The following SLC6A5 variants were observed in gnomAD, a reference collection of about 807,000 sequenced individuals.
The protein encoded by SLC6A5 is solute carrier family 6 member 5.
In SLC6A5, 58 loss-of-function variants were observed where a neutral mutation model predicts 90.5. The ratio of observed to expected loss-of-function variants is 0.64; its 90% CI spans 0.52 to 0.80. SLC6A5 has a LOEUF of 0.80. SLC6A5 is among the 30% of genes least tolerant of loss of function. SLC6A5 has a pLI of 0.00. For missense variants in SLC6A5, 1,015 were observed against 1,017.6 expected (o/e 1.00, Z 0.03); for synonymous variants, 427 against 401.4 (o/e 1.06, Z -0.76).
chr11:20,621,785 G>A (rs571540537), intron 7 of SLC6A5, among the ~76,000 whole-genome samples: 1 of 152,308 alleles, frequency 6.6e-6, no homozygotes, highest in African/African-American at 2.4e-5. Flanking sequence ...CTCTTGTTTA[G>A]GGCCTCAGGA....
At chr11:20,637,127 G>A (rs1383701363) in intron 11 of SLC6A5, 45 bp from the exon 12 acceptor site, 4 of 1,607,474 alleles carry the variant, frequency 2.5e-6, no homozygotes, top group Admixed American at 1.7e-5. Flanking sequence ...TACCTCCTGG[G>A]TGGTACAATT....
At chr11:20,599,762 T>A (rs1017206214) in intron 1 of SLC6A5, 87 bp downstream of exon 1, 4 of 1,485,884 alleles carry the variant, frequency 2.7e-6, no homozygotes, top group East Asian at 2.3e-5. Context: ...CTTTTGGAGA[T>A]GTCTGTGCAT....
intron 7 of SLC6A5, among the ~76,000 whole-genome samples, chr11:20,618,519 T>C (rs925328557): frequency 1.3e-5 from 2 of 152,094 alleles, no homozygotes; most frequent in African/African-American, 4.8e-5. Flanking sequence ...TTGGAGATGG[T>C]GAAACTCCCA....
At chr11:20,609,890 A>C (rs1852662015) in intron 5 of SLC6A5, among the ~76,000 whole-genome samples, 1 of 152,184 alleles carries the variant, frequency 6.6e-6, no homozygotes, top group Non-Finnish European at 1.5e-5. Flanking sequence ...GCAGGTTGTA[A>C]GAGAGGCTGC....
chr11:20,651,343 G>C (rs11025677), intron 14 of SLC6A5, among the ~76,000 whole-genome samples: 29,259 of 147,996 alleles, frequency 0.2, 3,759 homozygotes, highest in Non-Finnish European at 0.29. Flanking sequence ...GCATGATCTC[G>C]GCTTACTGCA....
intron 13 of SLC6A5, among the ~76,000 whole-genome samples, chr11:20,643,017 C>A (rs897215356): frequency 1.3e-5 from 2 of 152,158 alleles, no homozygotes; most frequent in African/African-American, 2.4e-5. Flanking sequence ...GCTCTTTATC[C>A]CCTCTCGGGG....
At chr11:20,630,949 C>A in intron 10 of SLC6A5, 134 bp downstream of exon 10, 3 of 975,620 alleles carry the variant, frequency 3.1e-6, no homozygotes, top group Non-Finnish European at 4.7e-6. Context: ...TCCTTCTTTA[C>A]AGAGGGACCA....
intron 7 of SLC6A5, among the ~76,000 whole-genome samples, chr11:20,625,055 C>T (rs903827616): frequency 1.3e-5 from 2 of 152,084 alleles, no homozygotes; most frequent in Non-Finnish European, 2.9e-5. Flanking sequence ...TGACACAGTT[C>T]GTAAGTGCTG....
At position 20,637,191 on chromosome 11, in the gene SLC6A5, T is replaced by C. The variant is rs1853224361; in HGVS notation, c.1757T>C (p.Ile586Thr). 1.2e-6 allele frequency: 2 copies of C among 1,613,908 alleles called. No individual in the cohort carries two copies. The highest frequency in any genetic ancestry group is 2.2e-5 in the South Asian group (2 of 91,066). The stretch of plus-strand genomic sequence containing the variant: ...TTCCAGTTTGCCACCATCGAGACCA[T>C]AGTGACCTCCATCTCAGACGAGTTT... ...LDTMFATIET[I>T]VTSISDEFPK... The change falls in exon 12 of 16, where the codon ATA becomes ACA. Residue 586 changes from isoleucine (I) to threonine (T), a missense_variant. Transcript: ENST00000525748.
rs1274305073 is a variant in SLC6A5, at chr11:20,627,834, T to C, written c.1396-146T>C. On this transcript the variant is annotated intron_variant, in intron 8 of 15. Transcript: ENST00000525748. ...CCTTTGGTTTCCAGCACAAGTGATT[T>C]ATGTTCTCATTGATGTTGATGTCGG... 4 of 696,496 alleles carry C rather than the reference T, an allele frequency of 5.7e-6. No individual in the cohort carries two copies. The Admixed American group carries it at 6.1e-5, about 11-fold the overall frequency. 43.1% of individuals were successfully genotyped at this position (696,496 alleles called of 1,614,324 possible). A position where few individuals can be genotyped will look rare whatever the true frequency, so the allele number is the denominator to read the frequency against.
rs373099744 is a variant in SLC6A5, at chr11:20,617,716, T to G, written c.1128-36T>G. The G allele has an allele frequency of 4.4e-4, 703 of 1,601,558 alleles. 1 individual carries two copies. Among genetic ancestry groups the G allele is most frequent in the Middle Eastern group, 1.2e-3 (6 of 5,068 alleles). ...CCTGTCACCTCCCTCTCTCCTTCTTTCTATCACTCCCCCCATCCCTCCCTC... is the reference window on the plus strand; with the variant it reads ...CCTGTCACCTCCCTCTCTCCTTCTTGCTATCACTCCCCCCATCCCTCCCTC... On this transcript the variant is annotated intron_variant, in intron 6 of 15. Transcript: ENST00000525748.
chr11:20,619,177 T>C (rs1852842902), intron 7 of SLC6A5, among the ~76,000 whole-genome samples: 1 of 152,206 alleles, frequency 6.6e-6, no homozygotes, highest in African/African-American at 2.4e-5. Flanking sequence ...CAAGGATTTC[T>C]GCGATTATGT....
chr11:20,655,457 G>C lies in SLC6A5; in HGVS notation c.*589G>C, dbSNP rs561687495. 6.3e-6 allele frequency: 1 copy of C among 159,594 alleles called. No homozygotes were observed. Among genetic ancestry groups the C allele is most frequent in the East Asian group, 1.8e-4 (1 of 5,704 alleles). The allele number at this position is 159,594 out of a possible 1,614,324, so 9.9% of individuals were successfully genotyped here. A position where few individuals can be genotyped will look rare whatever the true frequency, so the allele number is the denominator to read the frequency against. ...TCACCACTGGGGATCTGTTTCCTTC[G>C]TTTGGATCAGCAATCTCCAGTTACC... On this transcript the variant is annotated 3_prime_UTR_variant, in exon 16 of 16. Coordinates refer to ENST00000525748, the MANE Select transcript of SLC6A5 (RefSeq NM_004211.5).
At position 20,645,931 on chromosome 11, in the gene SLC6A5, G is replaced by A. The variant is rs533956320; in HGVS notation, c.1970-903G>A. ...ATTACAGGCATGAGCCACCACGCCCGGCCAGAATGATGAGTTTTTAAGCTG... is the reference window on the plus strand; with the variant it reads ...ATTACAGGCATGAGCCACCACGCCCAGCCAGAATGATGAGTTTTTAAGCTG... On this transcript the variant is annotated intron_variant, in intron 13 of 15. Coordinates refer to ENST00000525748, the MANE Select transcript of SLC6A5 (RefSeq NM_004211.5). Among the ~76,000 whole-genome samples the A allele has an allele frequency of 7.9e-5, 12 of 152,260 alleles. No individual in the cohort carries two copies. The East Asian group carries it at 9.7e-4, about 12-fold the overall frequency.
At chr11:20,606,883 A>T in intron 3 of SLC6A5, 124 bp from the exon 4 acceptor site, 1 of 1,208,162 alleles carries the variant, frequency 8.3e-7, no homozygotes, top group Non-Finnish European at 1.2e-6. Flanking sequence ...GGGCTTCTTC[A>T]GGAATGGAGC....
rs1852597331 is a variant in SLC6A5, at chr11:20,607,087, T to A, written c.760T>A (p.Phe254Ile). 1 of 1,614,106 alleles carries A rather than the reference T, an allele frequency of 6.2e-7. No individual in the cohort carries two copies. Among genetic ancestry groups the A allele is most frequent in the South Asian group, 1.1e-5 (1 of 91,078 alleles). ...IFFLEVSLGQ[F>I]ASQGPVSVWK... ...CTTCTTGGAGGTGTCGCTGGGCCAG[T>A]TTGCCAGCCAGGGACCAGTGTCTGT... The change falls in exon 4 of 16, where the codon TTT (phenylalanine) becomes ATT (isoleucine). Residue 254 changes from phenylalanine to isoleucine, a missense_variant. Around this residue, in one of 3 missense-constraint regions of SLC6A5, gnomAD observed 567 missense variants for 507.3 expected, o/e 1.12. Transcript: ENST00000525748.
chr11:20,641,202 CT>C (rs1185562070), intron 13 of SLC6A5, among the ~76,000 whole-genome samples: 2 of 152,136 alleles, frequency 1.3e-5, no homozygotes, highest in Admixed American at 1.3e-4. Context: ...GTACAGGGGC[CT>C]TTTGGCTGGA....
At position 20,624,870 on chromosome 11, in the gene SLC6A5, G is replaced by A. The variant is rs550133803; in HGVS notation, c.1261-1838G>A. Among the ~76,000 whole-genome samples, 11 of 152,328 alleles carry A rather than the reference G, an allele frequency of 7.2e-5. 1 individual carries two copies. The South Asian group carries it at 2.3e-3, about 32-fold the overall frequency. ...GGCCAGACTGTGAAATGGTACTTCT[G>A]TTTCCAGTGCCCTGGGCCTGTTCCA... On this transcript the variant is annotated intron_variant, in intron 7 of 15. Coordinates refer to ENST00000525748, the MANE Select transcript of SLC6A5 (RefSeq NM_004211.5).
intron 14 of SLC6A5, 73 bp from the exon 15 acceptor site, chr11:20,652,213 CGGG>C (rs1233897394): frequency 7.6e-7 from 1 of 1,319,204 alleles, no homozygotes; most frequent in Non-Finnish European, 1.1e-6. Flanking sequence ...AAACTCATAA[CGGG>C]GGTTTAATAG....
Sources: gnomAD v4.1 joint callset for allele counts (sites outside exome capture counted in the v4.1 genomes callset) on GRCh38, gnomAD v4.1.1 for gene constraint, gnomAD v4.1.1 regional missense constraint, MANE v1.5 for transcripts, NCBI Gene and HGNC (gene_info 2026-07-23, HGNC 2026-07-21) for gene names.